Variants in TRIO observed in about 807,000 individuals in gnomAD.
The protein encoded by TRIO is trio Rho guanine nucleotide exchange factor.
A neutral mutation model predicts 351.9 loss-of-function variants in TRIO; 58 were observed. The observed-to-expected ratio is 0.16, with a 90% CI of 0.13 to 0.21. The LOEUF (loss-of-function observed/expected upper bound fraction) is 0.21. TRIO is among the 10% of genes least tolerant of loss of function. The pLI, the probability that TRIO is intolerant of heterozygous loss-of-function variation, is 1.00. For synonymous variants in TRIO, 1,758 were observed against 1,595.7 expected, an observed-to-expected ratio of 1.10 and a Z score of -2.42; for missense variants, 3,201 against 4,027.8, an observed-to-expected ratio of 0.79 and a Z score of 5.56.
intron 1 of TRIO, among the ~76,000 whole-genome samples, chr5:14,156,811 A>G (rs1459536554): frequency 6.6e-6 from 1 of 152,198 alleles, no homozygotes; most frequent in East Asian, 1.9e-4. Flanking sequence ...AACAAAACAG[A>G]TGAAGTAATG....
intron 31 of TRIO, among the ~76,000 whole-genome samples, chr5:14,401,557 A>G (rs1246322317): frequency 3.3e-5 from 5 of 152,096 alleles, no homozygotes; most frequent in African/African-American, 1.2e-4. Flanking sequence ...GGAAAGAGGA[A>G]TGATTATTAG....
Position 14,396,392 on chromosome 5 carries a change from G to A in TRIO, c.4312-651G>A, listed in dbSNP as rs112865255. Among the ~76,000 whole-genome samples the A allele has an allele frequency of 2.6e-3, 361 of 139,426 alleles. 2 individuals are homozygous for A. Among genetic ancestry groups the A allele is most frequent in the African/African-American group, 8.6e-3 (330 of 38,212 alleles). The allele number at this position is 139,426 out of a possible 152,430, so 91.5% of individuals were successfully genotyped here. A position where few individuals can be genotyped will look rare whatever the true frequency, so the allele number is the denominator to read the frequency against. On this transcript the variant is annotated intron_variant, in intron 28 of 56. Coordinates refer to ENST00000344204, the MANE Select transcript of TRIO (RefSeq NM_007118.4). Reference sequence around the variant, plus strand: ...GTTGGACCTGACATGGCAGTCAGCTGTAACCAGTAGCTGATGGTGTGTTAC... The same window carrying A: ...GTTGGACCTGACATGGCAGTCAGCTATAACCAGTAGCTGATGGTGTGTTAC...
chr5:14,307,874 C>T (rs1437495843), intron 8 of TRIO, among the ~76,000 whole-genome samples: 2 of 152,252 alleles, frequency 1.3e-5, no homozygotes, highest in African/African-American at 2.4e-5. Context: ...TTTCCTTTCT[C>T]TTTTGTTTGT....
Position 14,507,493 on chromosome 5 carries a change from A to G in TRIO, c.8751+233A>G, listed in dbSNP as rs60309711. ...AACGCCGGAGCCCTCCCAGCCTTCC[A>G]CGACTTTCAGAAAGTCCCCATGAGT... On this transcript the variant is annotated intron_variant, in intron 56 of 56. Coordinates refer to ENST00000344204, the MANE Select transcript of TRIO (RefSeq NM_007118.4). Among the ~76,000 whole-genome samples, 10,290 of 152,230 alleles carry G rather than the reference A, an allele frequency of 0.068. 934 individuals are homozygous for G. Among genetic ancestry groups the G allele is most frequent in the African/African-American group, 0.2 (8,387 of 41,500 alleles).
chr5:14,308,374 G>GTCCA (rs1178869978), intron 8 of TRIO, among the ~76,000 whole-genome samples: 10 of 95,612 alleles, frequency 1.0e-4, no homozygotes, highest in African/African-American at 3.4e-4. Context: ...CCATTCATCT[G>GTCCA]TCCATCCATC....
intron 1 of TRIO, among the ~76,000 whole-genome samples, chr5:14,164,209 A>T (rs1175139942): frequency 6.6e-6 from 1 of 152,208 alleles, no homozygotes; most frequent in Non-Finnish European, 1.5e-5. Flanking sequence ...AATTTTTTAT[A>T]AAAGTGCTAG....
At chr5:14,495,659 A>G (rs1010610164) in intron 49 of TRIO, among the ~76,000 whole-genome samples, 9 of 39,036 alleles carry the variant, frequency 2.3e-4, no homozygotes, top group Non-Finnish European at 3.4e-4. Flanking sequence ...TCTCTACTAG[A>G]AAAAAAAAAA....
intron 1 of TRIO, among the ~76,000 whole-genome samples, chr5:14,216,184 C>T (rs916992216): frequency 6.6e-6 from 1 of 152,174 alleles, no homozygotes; most frequent in Non-Finnish European, 1.5e-5. Flanking sequence ...CCTGCACAGA[C>T]GTCTTTCCTT....
intron 54 of TRIO, 65 bp from the exon 55 acceptor site, chr5:14,504,328 C>A: frequency 6.4e-7 from 1 of 1,565,130 alleles, no homozygotes; most frequent in Non-Finnish European, 8.7e-7. Flanking sequence ...TTTAGGATAA[C>A]AGAGTCTTTC....
chr5:14,477,044 AC>A (rs1755133943), intron 41 of TRIO, 81 bp downstream of exon 41: 10 of 1,267,876 alleles, frequency 7.9e-6, no homozygotes, highest in Non-Finnish European at 1.1e-5. Context: ...AGGAGAACTC[AC>A]TTATACTTTA....
chr5:14,442,354 T>G (rs1399555957), intron 34 of TRIO, among the ~76,000 whole-genome samples: 1 of 152,034 alleles, frequency 6.6e-6, no homozygotes, highest in African/African-American at 2.4e-5. Context: ...GAAGGGTCTT[T>G]CGGGGTGCAG....
intron 12 of TRIO, among the ~76,000 whole-genome samples, chr5:14,358,763 A>G (rs892897753): frequency 2.0e-5 from 3 of 152,270 alleles, no homozygotes; most frequent in Admixed American, 2.0e-4. Flanking sequence ...TGGGGCGGAC[A>G]CCCACCCCCA....
intron 1 of TRIO, among the ~76,000 whole-genome samples, chr5:14,208,938 T>C (rs1223519309): frequency 6.6e-6 from 1 of 152,264 alleles, no homozygotes; most frequent in Non-Finnish European, 1.5e-5. Flanking sequence ...TTTGTAAAAC[T>C]GGATTGTGAT....
chr5:14,485,317 C>A, intron 47 of TRIO, 71 bp downstream of exon 47: 1 of 1,443,492 alleles, frequency 6.9e-7, no homozygotes, highest in South Asian at 1.5e-5. Flanking sequence ...TCTTCCCTCT[C>A]CCATTCATAT....
rs778422028 is a variant in TRIO at position 14,482,666 on chromosome 5, A to C, written c.6550A>C (p.Arg2184=). 6.2e-7 allele frequency: 1 copy of C among 1,610,562 alleles called. No individual in the cohort carries two copies. Among genetic ancestry groups the C allele is most frequent in the Middle Eastern group, 1.7e-4 (1 of 6,046 alleles). ...DQDAGLLPRC[R]ERRIFLFEQI... ...AGATGCAGGACTTCTGCCTCGCTGCAGAGAGAGGCGCATCTTCCTCTTTGA... is the reference window on the plus strand; with the variant it reads ...AGATGCAGGACTTCTGCCTCGCTGCCGAGAGAGGCGCATCTTCCTCTTTGA... The change falls in exon 46 of 57, where the codon AGA becomes CGA. Residue 2184 remains arginine, a synonymous_variant. Transcript: ENST00000344204.
At chr5:14,372,900 C>A (rs1484276689) in intron 18 of TRIO, among the ~76,000 whole-genome samples, 1 of 152,104 alleles carries the variant, frequency 6.6e-6, no homozygotes. Context: ...TGAAGAAATA[C>A]CTGAGAATGG....
intron 1 of TRIO, among the ~76,000 whole-genome samples, chr5:14,247,000 C>G (rs1277216701): frequency 6.6e-6 from 1 of 152,248 alleles, no homozygotes; most frequent in Non-Finnish European, 1.5e-5. Flanking sequence ...TGGTGTTTCT[C>G]TGTCCACACC....
chr5:14,381,975 C>CA (rs1408329734), intron 21 of TRIO, among the ~76,000 whole-genome samples: 5 of 152,178 alleles, frequency 3.3e-5, no homozygotes, highest in African/African-American at 1.2e-4. Context: ...TCCAAGAACT[C>CA]ACAACAGTTT....
Position 14,479,370 on chromosome 5 carries a change from C to T in TRIO, c.6243+20C>T. On this transcript the variant is annotated intron_variant, in intron 42 of 56. Coordinates refer to ENST00000344204, the MANE Select transcript of TRIO (RefSeq NM_007118.4). ...TTTGAGGTAAGACCTAAGATACAAA[C>T]AGAAAGTATTTCTGAATCTTTTGTT... The T allele has an allele frequency of 1.3e-6, 2 of 1,566,488 alleles. No homozygotes were observed. The highest frequency in any genetic ancestry group is 1.7e-6 in the Non-Finnish European group (2 of 1,144,144).
Sources: allele counts gnomAD v4.1 joint callset (sites outside exome capture counted in the v4.1 genomes callset), GRCh38; gene constraint gnomAD v4.1.1; transcripts MANE v1.5; gene names NCBI Gene and HGNC (gene_info 2026-07-23, HGNC 2026-07-21).